The following PLD5 variants were observed in gnomAD, a reference collection of about 807,000 sequenced individuals.
PLD5 encodes the protein inactive phospholipase D5.
Under a neutral mutation model 61.1 loss-of-function variants are expected in PLD5, and 36 were observed. That is an observed-to-expected ratio of 0.59 (90% CI 0.45 to 0.78). The LOEUF (loss-of-function observed/expected upper bound fraction) is 0.78. Among genes scored for constraint, PLD5 ranks in the 30% least tolerant of loss-of-function variants. The pLI is 0.00. For missense variants in PLD5, 515 were observed against 644.4 expected (o/e 0.80, Z 2.17); for synonymous variants, 243 against 242.8 (o/e 1.00, Z -0.01).
chr1:242,317,945 G>A (rs975999658), intron 2 of PLD5, among the ~76,000 whole-genome samples: 2 of 152,138 alleles, frequency 1.3e-5, no homozygotes, highest in African/African-American at 4.8e-5. Flanking sequence ...GCCTCTGAAT[G>A]CTACTGTTCA....
At chr1:242,520,716 C>T (rs903651473) in intron 1 of PLD5, among the ~76,000 whole-genome samples, 1 of 152,158 alleles carries the variant, frequency 6.6e-6, no homozygotes, top group Non-Finnish European at 1.5e-5. Flanking sequence ...AAAAAGCATA[C>T]AGCACCAAAG....
chr1:242,369,425 A>G (rs1444008147), intron 1 of PLD5, among the ~76,000 whole-genome samples: 3 of 152,210 alleles, frequency 2.0e-5, no homozygotes, highest in Non-Finnish European at 4.4e-5. Flanking sequence ...TAAAGATATA[A>G]CAACAAGGAT....
chr1:242,378,054 G>A (rs1407429078), intron 1 of PLD5, among the ~76,000 whole-genome samples: 1 of 152,150 alleles, frequency 6.6e-6, no homozygotes, highest in African/African-American at 2.4e-5. Flanking sequence ...GACTCAAACA[G>A]AGAAATGTAC....
intron 4 of PLD5, among the ~76,000 whole-genome samples, chr1:242,239,665 T>C (rs1212931433): frequency 2.0e-5 from 3 of 152,132 alleles, no homozygotes; most frequent in South Asian, 2.1e-4. Context: ...CAGGTTCTGA[T>C]GAAATGGAGG....
intron 3 of PLD5, among the ~76,000 whole-genome samples, chr1:242,275,388 C>T (rs1328044522): frequency 1.3e-5 from 2 of 151,914 alleles, no homozygotes; most frequent in African/African-American, 4.8e-5. Context: ...TATTTACTTA[C>T]TTATATCTTA....
chr1:242,380,623 T>C (rs533977892), intron 1 of PLD5, among the ~76,000 whole-genome samples: 171 of 151,990 alleles, frequency 1.1e-3, no homozygotes, highest in African/African-American at 3.8e-3. Context: ...ACCTACAAAA[T>C]GGAAGAAAAT....
chr1:242,346,756 T>C (rs1040039069), intron 2 of PLD5, among the ~76,000 whole-genome samples: 5 of 152,068 alleles, frequency 3.3e-5, no homozygotes, highest in Non-Finnish European at 5.9e-5. Context: ...CCCAAGTAAA[T>C]ATTAAGCCCA....
chr1:242,100,809 G>A lies in PLD5; in HGVS notation c.1240-27C>T, dbSNP rs752709793. 15 of 1,448,066 alleles carry A rather than the reference G, an allele frequency of 1.0e-5. No homozygotes were observed. The African/African-American group carries it at 1.1e-4, about 11-fold the overall frequency. The allele number at this position is 1,448,066 out of a possible 1,614,324, so 89.7% of individuals were successfully genotyped here. A position where few individuals can be genotyped will look rare whatever the true frequency, so the allele number is the denominator to read the frequency against. On this transcript the variant is annotated intron_variant, in intron 8 of 9. Coordinates refer to ENST00000536534, the MANE Select transcript of PLD5 (RefSeq NM_001372062.1). Reference sequence around the variant, plus strand: ...TGTAAGAAAAAAAAAAAGGGGGCAGGTAAATAAGAGGAACGTTTCTGGTCT... The same window carrying A: ...TGTAAGAAAAAAAAAAAGGGGGCAGATAAATAAGAGGAACGTTTCTGGTCT...
chr1:242,426,832 C>T (rs1665454152), intron 1 of PLD5, among the ~76,000 whole-genome samples: 1 of 152,192 alleles, frequency 6.6e-6, no homozygotes, highest in Non-Finnish European at 1.5e-5. Flanking sequence ...ATTTCCCAGC[C>T]TTCTGGGTAG....
In PLD5 at chr1:242,360,115, A is replaced by G. The variant is rs559433381; in HGVS notation, c.190-11873T>C. Among the ~76,000 whole-genome samples, 3 of 152,268 alleles carry G rather than the reference A, an allele frequency of 2.0e-5. No individual in the cohort carries two copies. In the East Asian group the frequency reaches 5.8e-4, roughly 29 times the overall value. ...TTAAGCATGGATCAAAATCACTTGT[A>G]AAAACATACATTGCTGGGCCCCAAG... On this transcript the variant is annotated intron_variant, in intron 1 of 9. Coordinates refer to ENST00000536534, the MANE Select transcript of PLD5 (RefSeq NM_001372062.1).
chr1:242,451,340 A>G (rs1666769038), intron 1 of PLD5, among the ~76,000 whole-genome samples: 1 of 152,106 alleles, frequency 6.6e-6, no homozygotes, highest in African/African-American at 2.4e-5. Flanking sequence ...CTAAGCATTT[A>G]ACATTGAATC....
At chr1:242,514,718 A>G (rs1057354662) in intron 1 of PLD5, among the ~76,000 whole-genome samples, 2 of 152,242 alleles carry the variant, frequency 1.3e-5, no homozygotes, top group African/African-American at 4.8e-5. Flanking sequence ...GGAAAGGCAA[A>G]TAAAGCTCTA....
At chr1:242,459,380 T>C (rs752402674) in intron 1 of PLD5, among the ~76,000 whole-genome samples, 95 of 152,362 alleles carry the variant, frequency 6.2e-4, no homozygotes, top group Non-Finnish European at 1.1e-3. Context: ...TGAGGGGTTA[T>C]CTAATCTTAA....
At chr1:242,156,252 T>C (rs1303907556) in intron 5 of PLD5, among the ~76,000 whole-genome samples, 1 of 152,220 alleles carries the variant, frequency 6.6e-6, no homozygotes, top group African/African-American at 2.4e-5. Context: ...TGTCTTTGTA[T>C]GTGAGATGGG....
intron 9 of PLD5, among the ~76,000 whole-genome samples, chr1:242,098,864 C>T (rs1381288642): frequency 6.6e-6 from 1 of 152,174 alleles, no homozygotes; most frequent in African/African-American, 2.4e-5. Context: ...GTGGAGGCTG[C>T]AGAACAGCAG....
rs143600828 is a variant in PLD5, at chr1:242,311,624, G to A, written c.327-23094C>T. Among the ~76,000 whole-genome samples the A allele has an allele frequency of 9.4e-3, 1,437 of 152,308 alleles. 9 individuals are homozygous for A. Among genetic ancestry groups the A allele is most frequent in the Non-Finnish European group, 0.016 (1,055 of 68,022 alleles). On this transcript the variant is annotated intron_variant, in intron 2 of 9. Coordinates refer to ENST00000536534, the MANE Select transcript of PLD5 (RefSeq NM_001372062.1). ...TAATGTTATTGAGGATCCTTTGTACGTGGCAGGCTACTTTACTGCTTTCAA... is the reference window on the plus strand; with the variant it reads ...TAATGTTATTGAGGATCCTTTGTACATGGCAGGCTACTTTACTGCTTTCAA...
In PLD5 at chr1:242,241,929, TAC is replaced by T. The variant is rs1553334470; in HGVS notation, c.608-21816_608-21815del. Among the ~76,000 whole-genome samples the T allele has an allele frequency of 3.6e-4, 50 of 139,062 alleles. 2 individuals are homozygous for T. Among genetic ancestry groups the T allele is most frequent in the African/African-American group, 1.1e-3 (43 of 37,764 alleles). The allele number at this position is 139,062 out of a possible 152,430, so 91.2% of individuals were successfully genotyped here. A position where few individuals can be genotyped will look rare whatever the true frequency, so the allele number is the denominator to read the frequency against. On this transcript the variant is annotated intron_variant, in intron 4 of 9. Coordinates refer to ENST00000536534, the MANE Select transcript of PLD5 (RefSeq NM_001372062.1). ...TATATATACTTACTGTATATATATA[TAC>T]GCTTATATATATATACTACTTATAT...
chr1:242,286,181 G>T (rs1424996320), intron 3 of PLD5, among the ~76,000 whole-genome samples: 1 of 152,126 alleles, frequency 6.6e-6, no homozygotes, highest in Non-Finnish European at 1.5e-5. Flanking sequence ...CTAAAGAAAA[G>T]ACAAATTTTT....
At chr1:242,220,499 A>C (rs1224279296) in intron 4 of PLD5, among the ~76,000 whole-genome samples, 2 of 152,106 alleles carry the variant, frequency 1.3e-5, no homozygotes, top group South Asian at 2.1e-4. Flanking sequence ...TTTCTGAGTA[A>C]TTTTAATACA....
Sources: allele counts gnomAD v4.1 joint callset (sites outside exome capture counted in the v4.1 genomes callset), GRCh38; gene constraint gnomAD v4.1.1; transcripts MANE v1.5; gene names NCBI Gene and HGNC (gene_info 2026-07-23, HGNC 2026-07-21).